The following UBE2K variants were observed in gnomAD, a reference collection of about 807,000 sequenced individuals.
UBE2K encodes the protein ubiquitin-conjugating enzyme E2 K.
In UBE2K, 6 loss-of-function variants were observed where a neutral mutation model predicts 30.0. The observed-to-expected ratio is 0.20, with a 90% CI of 0.11 to 0.39. The LOEUF is 0.39. Ranked by LOEUF, UBE2K falls within the 10% of genes least tolerant of loss-of-function variation. UBE2K has a pLI of 1.00. For missense variants in UBE2K, 61 were observed against 241.6 expected, an observed-to-expected ratio of 0.25 and a Z score of 4.96; for synonymous variants, 86 against 83.7, an observed-to-expected ratio of 1.03 and a Z score of -0.15.
intron 4 of UBE2K, chr4:39,771,492 C>G: frequency 6.7e-7 from 1 of 1,481,614 alleles, no homozygotes; most frequent in South Asian, 1.4e-5. Context: ...TTTTTAATCC[C>G]CTATTTTCCC....
chr4:39,771,660 C>A (rs1159661036), intron 4 of UBE2K, among the ~76,000 whole-genome samples: 1 of 152,032 alleles, frequency 6.6e-6, no homozygotes, highest in African/African-American at 2.4e-5. Context: ...GCGGTGTGTT[C>A]CAGGCCTCGC....
intron 1 of UBE2K, chr4:39,710,067 T>A (rs1046366907): frequency 1.1e-4 from 16 of 151,972 alleles, no homozygotes; most frequent in Non-Finnish European, 2.1e-4. Flanking sequence ...CATGCTTTTT[T>A]AAAATTTTTT....
chr4:39,728,827 G>GTTTTTTTTTTTT (rs372834149), intron 1 of UBE2K, among the ~76,000 whole-genome samples: 18 of 128,646 alleles, frequency 1.4e-4, no homozygotes, highest in South Asian at 2.4e-4. Context: ...TGTTTTTTTT[G>GTTTTTTTTTTTT]TTTTTTTTTT....
In UBE2K at chr4:39,780,104, G is replaced by C. The variant is rs984620392; in HGVS notation, c.*1670G>C. The C allele has an allele frequency of 8.5e-5, 13 of 152,082 alleles. No homozygotes were observed. The highest frequency in any genetic ancestry group is 1.3e-4 in the Admixed American group (2 of 15,270). The allele number at this position is 152,082 out of a possible 1,614,324, so 9.4% of individuals were successfully genotyped here. A position where few individuals can be genotyped will look rare whatever the true frequency, so the allele number is the denominator to read the frequency against. The stretch of plus-strand genomic sequence containing the variant: ...TATTACATACTAAACACAAGTTGCT[G>C]TTTTTTCCCCATATGTTTGCTTACG... On this transcript the variant is annotated 3_prime_UTR_variant, in exon 7 of 7. Coordinates refer to ENST00000261427, the MANE Select transcript of UBE2K (RefSeq NM_005339.5).
At position 39,782,520 on chromosome 4, in the gene UBE2K, A is replaced by G. The variant is rs1481845957; in HGVS notation, c.*4086A>G. 1 of 152,088 alleles carries G rather than the reference A, an allele frequency of 6.6e-6. No homozygotes were observed. The highest frequency in any genetic ancestry group is 1.5e-5 in the Non-Finnish European group (1 of 68,032). 9.4% of individuals were successfully genotyped at this position (152,088 alleles called of 1,614,324 possible). A position where few individuals can be genotyped will look rare whatever the true frequency, so the allele number is the denominator to read the frequency against. Reference sequence around the variant, plus strand: ...GCTTCTCTAGATCTCTATTCTAAACAATCTGTTAGTGATGATAAATTCTGT... The same window carrying G: ...GCTTCTCTAGATCTCTATTCTAAACGATCTGTTAGTGATGATAAATTCTGT... On this transcript the variant is annotated 3_prime_UTR_variant, in exon 7 of 7. Coordinates refer to ENST00000261427, the MANE Select transcript of UBE2K (RefSeq NM_005339.5).
In UBE2K at chr4:39,737,534, CA is replaced by C. The variant is rs1720443363; in HGVS notation, c.157+25del. On this transcript the variant is annotated intron_variant, in intron 2 of 6. Transcript: ENST00000261427. ...TGAAGGCAAGTACTTTTTTCTGTAT[CA>C]AAATATTGTGCGTATTAGAACTTGT... 3 of 1,447,838 alleles carry C rather than the reference CA, an allele frequency of 2.1e-6. No homozygotes were observed. The African/African-American group carries it at 4.3e-5, about 21-fold the overall frequency. 89.7% of individuals were successfully genotyped at this position (1,447,838 alleles called of 1,614,324 possible).
intron 4 of UBE2K, among the ~76,000 whole-genome samples, chr4:39,773,732 T>C (rs898257684): frequency 6.6e-6 from 1 of 151,688 alleles, no homozygotes; most frequent in African/African-American, 2.4e-5. Context: ...CCATCCTGGC[T>C]AACACAGTGA....
At chr4:39,770,456 G>A in intron 4 of UBE2K, 3 of 1,611,726 alleles carry the variant, frequency 1.9e-6, no homozygotes, top group Non-Finnish European at 2.5e-6. Context: ...GGCACTTGGT[G>A]CACTTGATGT....
intron 1 of UBE2K, chr4:39,714,567 A>G (rs1336383178): frequency 3.5e-4 from 3 of 8,684 alleles, no homozygotes; most frequent in Non-Finnish European, 6.7e-4. Context: ...TTTTTTTTTA[A>G]GACTGAGTCT....
chr4:39,744,326 C>T (rs1410574492), intron 2 of UBE2K, among the ~76,000 whole-genome samples: 1 of 151,886 alleles, frequency 6.6e-6, no homozygotes, highest in Admixed American at 6.6e-5. Context: ...GCGTCCGCCA[C>T]CATGCCCAGC....
At chr4:39,774,301 G>A (rs1009864667) in intron 4 of UBE2K, among the ~76,000 whole-genome samples, 1 of 151,248 alleles carries the variant, frequency 6.6e-6, no homozygotes, top group Non-Finnish European at 1.5e-5. Context: ...GCAAGACACT[G>A]TCATTAAAAA....
At chr4:39,735,985 T>G (rs35401248) in intron 1 of UBE2K, among the ~76,000 whole-genome samples, 6,511 of 147,826 alleles carry the variant, frequency 0.044, 210 homozygotes, top group Non-Finnish European at 0.063. Context: ...TAAAAAATAT[T>G]TAACATAGAA....
At chr4:39,772,732 G>C (rs1402033490) in intron 4 of UBE2K, among the ~76,000 whole-genome samples, 1 of 149,348 alleles carries the variant, frequency 6.7e-6, no homozygotes, top group East Asian at 2.0e-4. Flanking sequence ...CTGTCGCCCA[G>C]GCTAGAGTGC....
intron 2 of UBE2K, 67 bp downstream of exon 2, chr4:39,737,580 T>G: frequency 9.6e-7 from 1 of 1,046,430 alleles, no homozygotes; most frequent in Non-Finnish European, 1.4e-6. Flanking sequence ...TTAATCAGAA[T>G]AATCTTAAAC....
At chr4:39,768,875 T>A (rs1042174627) in intron 4 of UBE2K, among the ~76,000 whole-genome samples, 1 of 152,170 alleles carries the variant, frequency 6.6e-6, no homozygotes, top group Non-Finnish European at 1.5e-5. Flanking sequence ...TTTATCTATT[T>A]TTGATGGAGT....
intron 3 of UBE2K, among the ~76,000 whole-genome samples, chr4:39,747,331 G>T (rs143429414): frequency 1.3e-5 from 2 of 152,014 alleles, no homozygotes; most frequent in Non-Finnish European, 2.9e-5. Context: ...CTGAAACTTC[G>T]TACCCATTAA....
intron 4 of UBE2K, among the ~76,000 whole-genome samples, chr4:39,768,745 T>A (rs1242418474): frequency 6.6e-6 from 1 of 152,220 alleles, no homozygotes; most frequent in Admixed American, 6.5e-5. Context: ...TAATTTGTAT[T>A]CCCACCAGCA....
chr4:39,730,718 T>TGA (rs1175525728), intron 1 of UBE2K, among the ~76,000 whole-genome samples: 1 of 150,458 alleles, frequency 6.6e-6, no homozygotes, highest in Non-Finnish European at 1.5e-5. Flanking sequence ...TGCAGTGAGC[T>TGA]GAGATTGCGC....
intron 1 of UBE2K, among the ~76,000 whole-genome samples, chr4:39,709,832 T>C (rs950642470): frequency 6.6e-6 from 1 of 152,088 alleles, no homozygotes; most frequent in Non-Finnish European, 1.5e-5. Context: ...TCAAATGATA[T>C]AGAGATAATG....
Sources: allele counts gnomAD v4.1 joint callset (sites outside exome capture counted in the v4.1 genomes callset), GRCh38; gene constraint gnomAD v4.1.1; transcripts MANE v1.5; gene names NCBI Gene and HGNC (gene_info 2026-07-23, HGNC 2026-07-21).